STAU1: variants seen among roughly 807,000 people sequenced by gnomAD.
The protein encoded by STAU1 is double-stranded RNA-binding protein Staufen homolog 1.
A neutral mutation model predicts 62.9 loss-of-function variants in STAU1; 13 were observed. The ratio of observed to expected loss-of-function variants is 0.21; its 90% CI spans 0.13 to 0.33. The LOEUF is 0.33. Ranked by LOEUF, STAU1 falls within the 10% of genes least tolerant of loss-of-function variation. The pLI is 1.00. For missense variants in STAU1, 571 were observed against 712.1 expected, an observed-to-expected ratio of 0.80 and a Z score of 2.25; for synonymous variants, 269 against 265.1, an observed-to-expected ratio of 1.01 and a Z score of -0.14.
At chr20:49,184,977 A>T (rs2093770099) in intron 1 of STAU1, among the ~76,000 whole-genome samples, 1 of 152,220 alleles carries the variant, frequency 6.6e-6, no homozygotes, top group Admixed American at 6.6e-5. Flanking sequence ...ATTCCTGTCA[A>T]CTTCCATTGT....
At chr20:49,141,281 T>C (rs2146106697) in intron 5 of STAU1, among the ~76,000 whole-genome samples, 1 of 152,314 alleles carries the variant, frequency 6.6e-6, no homozygotes, top group Middle Eastern at 3.4e-3. Flanking sequence ...GTCGGACTGT[T>C]TTTTTCTGTT....
At chr20:49,123,063 A>T (rs1399913097) in intron 8 of STAU1, 29 bp downstream of exon 8, 8 of 1,547,196 alleles carry the variant, frequency 5.2e-6, no homozygotes, top group Non-Finnish European at 7.0e-6. Context: ...GGTCAGAGGA[A>T]GGGGCGCCCA....
intron 6 of STAU1, among the ~76,000 whole-genome samples, chr20:49,126,282 C>T (rs1568834857): frequency 1.3e-5 from 2 of 151,766 alleles, no homozygotes; most frequent in Non-Finnish European, 2.9e-5. Flanking sequence ...GAAAATCAGG[C>T]TGGGCAGGGT....
intron 3 of STAU1, among the ~76,000 whole-genome samples, chr20:49,161,821 T>C (rs7275105): frequency 4.5e-3 from 679 of 152,288 alleles, no homozygotes; most frequent in Non-Finnish European, 7.8e-3. Flanking sequence ...CTGCAAATCA[T>C]TCCAGGAGTA....
intron 3 of STAU1, among the ~76,000 whole-genome samples, chr20:49,157,890 T>C (rs1016731260): frequency 1.3e-5 from 2 of 152,162 alleles, no homozygotes; most frequent in South Asian, 2.1e-4. Context: ...TCCAAAGTGA[T>C]AGGATTTAAG....
intron 2 of STAU1, among the ~76,000 whole-genome samples, chr20:49,173,812 T>C (rs998335070): frequency 2.6e-5 from 4 of 152,132 alleles, no homozygotes; most frequent in African/African-American, 9.7e-5. Context: ...TAGAAAACAA[T>C]GCTAAATTCG....
chr20:49,180,337 C>CT (rs941353369), intron 1 of STAU1, among the ~76,000 whole-genome samples: 162 of 150,902 alleles, frequency 1.1e-3, no homozygotes, highest in African/African-American at 3.8e-3. Flanking sequence ...TTTTTTCCCC[C>CT]CCTGGATACA....
At chr20:49,165,911 G>C in intron 3 of STAU1, 86 bp downstream of exon 3, 1 of 1,364,362 alleles carries the variant, frequency 7.3e-7, no homozygotes, top group Non-Finnish European at 1.0e-6. Flanking sequence ...GTAAATGTGA[G>C]AGCTCCCTAA....
At chr20:49,219,013 C>CAAAAAAAAA in the STAU1 span, among the ~76,000 whole-genome samples, 1 of 53,172 alleles carries the variant, frequency 1.9e-5, no homozygotes, top group Non-Finnish European at 3.6e-5. Flanking sequence ...AACCCTGCCT[C>CAAAAAAAAA]AAAAAAAAAA....
At chr20:49,134,449 A>AAAAAAAAAAAAAAAAAAAAAG in intron 6 of STAU1, 6 of 609,616 alleles carry the variant, frequency 9.8e-6, no homozygotes, top group East Asian at 3.5e-5. Flanking sequence ...AAAAAAAAAA[A>AAAAAAAAAAAAAAAAAAAAAG]GCTCTGGGTT....
chr20:49,143,993 C>CT (rs564431563), intron 5 of STAU1, among the ~76,000 whole-genome samples: 107 of 152,320 alleles, frequency 7.0e-4, no homozygotes, highest in Admixed American at 2.0e-3. Context: ...ACTTCAGATT[C>CT]TTCGTGTACT....
chr20:49,174,496 G>T (rs1403098410), intron 1 of STAU1, among the ~76,000 whole-genome samples: 1 of 151,984 alleles, frequency 6.6e-6, no homozygotes, highest in African/African-American at 2.4e-5. Context: ...GAGGCGGGCA[G>T]ACCACCTGAG....
At position 49,162,549 on chromosome 20, in the gene STAU1, C is replaced by T. The variant is rs188566320; in HGVS notation, c.205+3448G>A. Among the ~76,000 whole-genome samples, 604 of 152,028 alleles carry T rather than the reference C, an allele frequency of 4.0e-3. 1 individual carries two copies. Among genetic ancestry groups the T allele is most frequent in the Non-Finnish European group, 7.0e-3 (473 of 67,952 alleles). On this transcript the variant is annotated intron_variant, in intron 3 of 13. Transcript: ENST00000371856. ...CAACACTTTGGGAGGCCGAGGCAGG[C>T]GGATCACGAGGTCAGAAGATCAAAA...
chr20:49,198,113 G>A, the STAU1 span, among the ~76,000 whole-genome samples: 38 of 152,332 alleles, frequency 2.5e-4, no homozygotes, highest in African/African-American at 8.9e-4. Flanking sequence ...AAAAGTATAT[G>A]AGTGGCAAAT....
the STAU1 span, among the ~76,000 whole-genome samples, chr20:49,195,898 C>CAAAAAAAAAAAAAAAAAAAAAAAAAA: frequency 8.9e-5 from 3 of 33,878 alleles, no homozygotes; most frequent in Non-Finnish European, 1.5e-4. Context: ...AACTTCCTCT[C>CAAAAAAAAAAAAAAAAAAAAAAAAAA]AAAAAAAAAA....
intron 3 of STAU1, among the ~76,000 whole-genome samples, chr20:49,161,255 A>T (rs1376504682): frequency 6.6e-6 from 1 of 152,028 alleles, no homozygotes; most frequent in African/African-American, 2.4e-5. Context: ...TAAGCCTGGG[A>T]GGTCGAGGCT....
chr20:49,129,630 CTTTTTTTTT>C (rs558925613), intron 6 of STAU1, among the ~76,000 whole-genome samples: 8 of 96,656 alleles, frequency 8.3e-5, no homozygotes, highest in African/African-American at 1.3e-4. Context: ...AGTTTGGCAA[CTTTTTTTTT>C]TTTTTTTTTT....
intron 2 of STAU1, among the ~76,000 whole-genome samples, chr20:49,168,934 G>A (rs951091052): frequency 1.3e-5 from 2 of 151,488 alleles, no homozygotes; most frequent in African/African-American, 2.4e-5. Flanking sequence ...ATCTCGAAAG[G>A]CCCTAAAAAA....
chr20:49,126,588 C>CAAAAAAAAAAAAAAAA, intron 6 of STAU1, among the ~76,000 whole-genome samples: 3 of 56,348 alleles, frequency 5.3e-5, no homozygotes, highest in African/African-American at 1.3e-4. Flanking sequence ...AAAAAAAAAA[C>CAAAAAAAAAAAAAAAA]AAAAAAAAAA....
Sources: allele counts gnomAD v4.1 joint callset (sites outside exome capture counted in the v4.1 genomes callset), GRCh38; gene constraint gnomAD v4.1.1; transcripts MANE v1.5; gene names NCBI Gene and HGNC (gene_info 2026-07-23, HGNC 2026-07-21).